EGFR: variants seen among roughly 807,000 people sequenced by gnomAD.
EGFR encodes epidermal growth factor receptor.
In EGFR, 58 loss-of-function variants were observed where a neutral mutation model predicts 143.0. That is an observed-to-expected ratio of 0.41 (90% confidence interval 0.33 to 0.50). The LOEUF (loss-of-function observed/expected upper bound fraction) is 0.50, where lower values mean the gene tolerates loss of function less well. Ranked by LOEUF, EGFR falls within the 20% of genes least tolerant of loss-of-function variation. The pLI is 0.39. For synonymous variants in EGFR, 613 were observed against 594.4 expected (o/e 1.03, Z -0.45); for missense variants, 1,307 against 1,579.0 (o/e 0.83, Z 2.92).
intron 14 of EGFR, among the ~76,000 whole-genome samples, chr7:55,164,571 C>T (rs17290138): frequency 9.8e-4 from 149 of 152,256 alleles, no homozygotes; most frequent in African/African-American, 3.5e-3. Context: ...AAATAATTGG[C>T]GATATTGACA....
rs765091640 is a variant in EGFR at position 55,160,165 on chromosome 7, G to A, written c.1325G>A (p.Ser442Asn). 3.7e-6 allele frequency: 6 copies of A among 1,614,158 alleles called. No homozygotes were observed. In the East Asian group the frequency reaches 1.3e-4, roughly 36 times the overall value. ...GGTCAGTTTTCTCTTGCAGTCGTCA[G>A]CCTGAACATAACATCCTTGGGATTA... is the stretch of plus-strand genomic sequence containing the variant. ...QHGQFSLAVV[S>N]LNITSLGLRS... Residue 442 changes from serine (S) to asparagine (N), a missense_variant, in exon 12 of 28, where the codon AGC becomes AAC. Coordinates refer to ENST00000275493, the MANE Select transcript of EGFR (RefSeq NM_005228.5).
At chr7:55,166,700 T>G (rs201545253) in intron 15 of EGFR, among the ~76,000 whole-genome samples, 325 of 49,498 alleles carry the variant, frequency 6.6e-3, no homozygotes, top group East Asian at 0.019. Context: ...GGTGATGGTG[T>G]TGATGGTGGT....
chr7:55,199,240 C>G (rs914372276), intron 23 of EGFR, among the ~76,000 whole-genome samples: 7 of 152,190 alleles, frequency 4.6e-5, no homozygotes, highest in Non-Finnish European at 7.3e-5. Context: ...CAACATAAGG[C>G]TAATAGAGTC....
intron 14 of EGFR, among the ~76,000 whole-genome samples, chr7:55,164,604 C>G (rs1223552777): frequency 6.6e-6 from 1 of 152,206 alleles, no homozygotes; most frequent in African/African-American, 2.4e-5. Flanking sequence ...TATGCTGGCT[C>G]TGGGCACACA....
chr7:55,144,924 G>A (rs564082654), intron 3 of EGFR, among the ~76,000 whole-genome samples: 1 of 152,298 alleles, frequency 6.6e-6, no homozygotes, highest in East Asian at 1.9e-4. Flanking sequence ...TACTTCCTAG[G>A]TGGTGCAGAA....
At chr7:55,194,498 TTTTAAC>T (rs1322536865) in intron 22 of EGFR, among the ~76,000 whole-genome samples, 4 of 152,166 alleles carry the variant, frequency 2.6e-5, no homozygotes, top group Non-Finnish European at 4.4e-5. Flanking sequence ...AGTGCATATT[TTTTAAC>T]TTTATCAGAC....
At chr7:55,160,480 C>A (rs759162) in intron 12 of EGFR, 142 bp downstream of exon 12, 1 of 905,722 alleles carries the variant, frequency 1.1e-6, no homozygotes, top group Non-Finnish European at 1.6e-6. Context: ...AGATTCCTAA[C>A]TGTGAAATTA....
intron 1 of EGFR, among the ~76,000 whole-genome samples, chr7:55,102,577 T>C (rs959989608): frequency 2.0e-5 from 3 of 152,218 alleles, no homozygotes; most frequent in Non-Finnish European, 4.4e-5. Flanking sequence ...AGCAAAACAA[T>C]GTAACAATTT....
chr7:55,021,893 A>G (rs1786588019), intron 1 of EGFR, among the ~76,000 whole-genome samples: 1 of 152,208 alleles, frequency 6.6e-6, no homozygotes, highest in Non-Finnish European at 1.5e-5. Flanking sequence ...GGCAGACGGG[A>G]AATTCACACC....
intron 1 of EGFR, among the ~76,000 whole-genome samples, chr7:55,108,503 G>T (rs1014419945): frequency 6.6e-6 from 1 of 152,170 alleles, no homozygotes; most frequent in Non-Finnish European, 1.5e-5. Flanking sequence ...TGAAATCTGT[G>T]GTCAGAGGTT....
rs372770830 is a variant in EGFR at position 55,023,887 on chromosome 7, C to T, written c.88+4522C>T. Reference sequence around the variant, plus strand: ...TTCTCATTCGTTCTTTTTCGTTTTCCTCCTACAGGAATGAATTTTCTAAGA... The same window carrying T: ...TTCTCATTCGTTCTTTTTCGTTTTCTTCCTACAGGAATGAATTTTCTAAGA... On this transcript the variant is annotated intron_variant, in intron 1 of 27. Coordinates refer to ENST00000275493, the MANE Select transcript of EGFR (RefSeq NM_005228.5). Among the ~76,000 whole-genome samples the T allele has an allele frequency of 3.3e-5, 5 of 152,054 alleles. No homozygotes were observed. The East Asian group carries it at 9.6e-4, about 29-fold the overall frequency.
intron 20 of EGFR, among the ~76,000 whole-genome samples, chr7:55,187,801 G>A (rs1787207695): frequency 6.6e-6 from 1 of 152,306 alleles, no homozygotes; most frequent in South Asian, 2.1e-4. Flanking sequence ...ACCAGTTGCA[G>A]GTGGGTCTCT....
chr7:55,079,142 A>T (rs1790310661), intron 1 of EGFR, among the ~76,000 whole-genome samples: 2 of 152,076 alleles, frequency 1.3e-5, no homozygotes, highest in South Asian at 2.1e-4. Flanking sequence ...CTGAGGCTGG[A>T]GGGAAAGCCC....
At chr7:55,115,720 G>A (rs1007005254) in intron 1 of EGFR, among the ~76,000 whole-genome samples, 1 of 152,112 alleles carries the variant, frequency 6.6e-6, no homozygotes, top group African/African-American at 2.4e-5. Context: ...GATAGCACCT[G>A]GAGCTTCCTG....
chr7:55,201,928 G>A (rs1250185209), intron 26 of EGFR, 146 bp downstream of exon 26: 17 of 932,626 alleles, frequency 1.8e-5, no homozygotes, highest in Non-Finnish European at 8.5e-6. Flanking sequence ...CGGCTGTCAC[G>A]CCTCACAGTG....
chr7:55,092,699 C>A (rs1345794463), intron 1 of EGFR, among the ~76,000 whole-genome samples: 1 of 152,252 alleles, frequency 6.6e-6, no homozygotes, highest in East Asian at 1.9e-4. Flanking sequence ...TATTAGATGT[C>A]ACCGAGCACC....
chr7:55,191,755 C>T lies in EGFR; in HGVS notation c.2506C>T (p.Arg836Cys), dbSNP rs374952732. 20 of 1,613,834 alleles carry T rather than the reference C, an allele frequency of 1.2e-5. No homozygotes were observed. Among genetic ancestry groups the T allele is most frequent in the African/African-American group, 5.3e-5 (4 of 74,858 alleles). The change falls in exon 21 of 28, where the codon CGC becomes TGC. Residue 836 changes from arginine (R) to cysteine (C), a missense_variant. Arg to Cys is a radical substitution (Grantham distance 180, BLOSUM62 -3). Around this residue, in one of 7 missense-constraint regions of EGFR, gnomAD observed 348 missense variants for 451.5 expected, o/e 0.77. Transcript: ENST00000275493. ...NYLEDRRLVHRDLAARNVLVK... is the reference protein window; with the variant it reads ...NYLEDRRLVHCDLAARNVLVK... Reference sequence around the variant, plus strand: ...CTTGGAGGACCGTCGCTTGGTGCACCGCGACCTGGCAGCCAGGAACGTACT... The same window carrying T: ...CTTGGAGGACCGTCGCTTGGTGCACTGCGACCTGGCAGCCAGGAACGTACT...
intron 1 of EGFR, among the ~76,000 whole-genome samples, chr7:55,093,606 T>C (rs969582538): frequency 6.6e-6 from 1 of 152,216 alleles, no homozygotes; most frequent in Admixed American, 6.5e-5. Flanking sequence ...TCTTCTTTCA[T>C]AGAAATGGTC....
chr7:55,171,101 A>T (rs2128951247), intron 15 of EGFR, 74 bp from the exon 16 acceptor site: 1 of 1,603,164 alleles, frequency 6.2e-7, no homozygotes, highest in Non-Finnish European at 8.5e-7. Context: ...TTTATGATTT[A>T]ATTAAAAATC....
Sources: allele counts gnomAD v4.1 joint callset (sites outside exome capture counted in the v4.1 genomes callset), GRCh38; gene constraint gnomAD v4.1.1; regional missense constraint gnomAD v4.1.1; transcripts MANE v1.5; gene names NCBI Gene and HGNC (gene_info 2026-07-23, HGNC 2026-07-21).